Variants in TOP3B observed in about 807,000 individuals in gnomAD.
TOP3B encodes the protein DNA topoisomerase III beta.
A neutral mutation model predicts 93.9 loss-of-function variants in TOP3B; 45 were observed. The ratio of observed to expected loss-of-function variants is 0.48; its 90% CI spans 0.38 to 0.61. The LOEUF is 0.61. Ranked by LOEUF, TOP3B falls within the 20% of genes least tolerant of loss-of-function variation. The pLI, the probability that TOP3B is intolerant of heterozygous loss-of-function variation, is 0.00. For synonymous variants in TOP3B, 357 were observed against 472.6 expected (o/e 0.76, Z 3.17); for missense variants, 750 against 1,156.1 (o/e 0.65, Z 5.09).
Position 21,968,491 on chromosome 22 carries a change from C to T in TOP3B, c.738+128G>A, listed in dbSNP as rs569651672. 24 of 1,257,964 alleles carry T rather than the reference C, an allele frequency of 1.9e-5. No individual in the cohort carries two copies. In the South Asian group the frequency reaches 2.7e-4, roughly 14 times the overall value. The allele number at this position is 1,257,964 out of a possible 1,614,324, so 77.9% of individuals were successfully genotyped here. ...CCTCAGCCCTAGGCACCACAGACCA[C>T]TTCCAGGTACAGCCGTCCACACTTC... On this transcript the variant is annotated intron_variant, in intron 7 of 17. Transcript: ENST00000357179.
At chr22:21,959,394 T>G (rs1470510978) in intron 15 of TOP3B, 162 bp from the exon 16 acceptor site, 1 of 1,483,992 alleles carries the variant, frequency 6.7e-7, no homozygotes, top group Non-Finnish European at 8.9e-7. Flanking sequence ...CAGAGGCACG[T>G]GTTCCTGGCC....
intron 13 of TOP3B, 74 bp downstream of exon 13, chr22:21,962,355 C>A: frequency 1.2e-6 from 2 of 1,605,514 alleles, no homozygotes; most frequent in Non-Finnish European, 1.7e-6. Context: ...GCTGGCGGGG[C>A]AGCTTTGTGA....
At chr22:21,958,343 T>C in intron 17 of TOP3B, 149 bp downstream of exon 17, 1 of 1,488,096 alleles carries the variant, frequency 6.7e-7, no homozygotes. Flanking sequence ...GTGCCCCAGC[T>C]ACATCCAGGG....
chr22:21,979,447 G>C (rs1254117860), intron 1 of TOP3B, among the ~76,000 whole-genome samples: 1 of 152,074 alleles, frequency 6.6e-6, no homozygotes, highest in Non-Finnish European at 1.5e-5. Context: ...AGGAGTCAGT[G>C]GTGGGCCCTG....
chr22:21,972,249 A>G (rs1294919689), intron 4 of TOP3B: 3 of 464,718 alleles, frequency 6.5e-6, no homozygotes, highest in Non-Finnish European at 1.1e-5. Context: ...TGATAACAGC[A>G]GTCGTCTTGG....
At chr22:21,974,688 A>G (rs984977797) in intron 2 of TOP3B, 200 bp from the exon 3 acceptor site, 1 of 522,968 alleles carries the variant, frequency 1.9e-6, no homozygotes, top group African/African-American at 1.9e-5. Flanking sequence ...ATCTGCCAAC[A>G]ACCTAGCACA....
rs200546722 is a variant in TOP3B, at chr22:21,970,166, G to T, written c.581+44C>A. 2.0e-6 allele frequency: 3 copies of T among 1,473,192 alleles called. No individual in the cohort carries two copies. The highest frequency in any genetic ancestry group is 1.4e-5 in the African/African-American group (1 of 69,358). 91.3% of individuals were successfully genotyped at this position (1,473,192 alleles called of 1,614,324 possible). A position where few individuals can be genotyped will look rare whatever the true frequency, so the allele number is the denominator to read the frequency against. Reference sequence around the variant, plus strand: ...CAGTAGAGGCAGGTCTCTGGCTGAGGGAGAGTGAGGGTGTGCCCAGGACTC... The same window carrying T: ...CAGTAGAGGCAGGTCTCTGGCTGAGTGAGAGTGAGGGTGTGCCCAGGACTC... On this transcript the variant is annotated intron_variant, in intron 6 of 17. Transcript: ENST00000357179. The surrounding 1 kb of genome is among the most constrained non-coding windows in gnomAD (Gnocchi z 4.4).
chr22:21,962,046 A>G, intron 13 of TOP3B: 1 of 1,069,234 alleles, frequency 9.4e-7, no homozygotes, highest in Non-Finnish European at 1.2e-6. Context: ...GTGAGATCTC[A>G]TTTCCCTGTC....
rs1333817489 is a variant in TOP3B, at chr22:21,967,711, G to A, written c.744C>T (p.Asn248=). The stretch of plus-strand genomic sequence containing the variant: ...AAAGGAGAGATCTGTCTTTGTCAGT[G>A]TTAACCTGCAGGAAAAAGGATAAAG... ...ETYWVLQAKV[N]TDKDRSLLLD... The change falls in exon 8 of 18, where the codon AAC becomes AAT. Residue 248 remains asparagine (N), a synonymous_variant. Transcript: ENST00000357179. 1.9e-6 allele frequency: 3 copies of A among 1,613,032 alleles called. No individual in the cohort carries two copies. Among genetic ancestry groups the A allele is most frequent in the Non-Finnish European group, 2.5e-6 (3 of 1,179,212 alleles).
At chr22:21,965,252 T>C in intron 9 of TOP3B, 33 bp downstream of exon 9, 4 of 1,529,640 alleles carry the variant, frequency 2.6e-6, no homozygotes, top group Non-Finnish European at 3.5e-6. Flanking sequence ...TCAGGAAGCC[T>C]TCTGGTGACT....
Position 21,967,596 on chromosome 22 carries a change from G to C in TOP3B, c.852+7C>G. 1.2e-6 allele frequency: 2 copies of C among 1,613,014 alleles called. No individual in the cohort carries two copies. Among genetic ancestry groups the C allele is most frequent in the Non-Finnish European group, 1.7e-6 (2 of 1,178,988 alleles). ...AACTGTGATAGATGTGGGTGGAGCA[G>C]GCACACCTGGGCTTCCTTCTCCAGC... On this transcript the variant is annotated splice_region_variant and intron_variant, in intron 8 of 17. Coordinates refer to ENST00000357179, the MANE Select transcript of TOP3B (RefSeq NM_001282112.2).
intron 9 of TOP3B, chr22:21,964,742 A>G (rs1458426188): frequency 1.4e-5 from 3 of 210,618 alleles, no homozygotes; most frequent in Non-Finnish European, 2.9e-5. Context: ...TTCTGTCCTC[A>G]CAGCACTTTG....
intron 8 of TOP3B, chr22:21,966,862 C>T (rs959655455): frequency 6.6e-6 from 1 of 152,504 alleles, no homozygotes; most frequent in Non-Finnish European, 1.5e-5. Context: ...AGTGTCTCTG[C>T]AGGAATGTGA....
intron 1 of TOP3B, among the ~76,000 whole-genome samples, chr22:21,979,025 C>T (rs553946706): frequency 1.3e-5 from 2 of 152,156 alleles, no homozygotes; most frequent in East Asian, 1.9e-4. Context: ...GGCTGCACTT[C>T]TCTTGGTGGA....
chr22:21,975,884 CAA>C (rs1490280114), intron 1 of TOP3B, 77 bp from the exon 2 acceptor site: 195 of 1,063,568 alleles, frequency 1.8e-4, no homozygotes, highest in Non-Finnish European at 2.2e-4. Flanking sequence ...ATCACTTTAA[CAA>C]AGAAAAAACA....
intron 1 of TOP3B, chr22:21,982,296 G>A (rs1293110373): frequency 6.6e-6 from 1 of 152,200 alleles, no homozygotes; most frequent in Non-Finnish European, 1.5e-5. Context: ...AGAGAACCTG[G>A]GTGCCCTCAA....
intron 2 of TOP3B, chr22:21,974,943 GCAC>G (rs1330482751): frequency 6.5e-6 from 1 of 155,032 alleles, no homozygotes; most frequent in African/African-American, 2.4e-5. Context: ...TGGGCACCGG[GCAC>G]CACTTTTGGG....
chr22:21,977,213 T>C (rs544000167), intron 1 of TOP3B: 2 of 151,872 alleles, frequency 1.3e-5, no homozygotes, highest in East Asian at 3.9e-4. Flanking sequence ...AAAAGCAAAA[T>C]AAAATAATCT....
chr22:21,958,785 C>CACAGG, intron 16 of TOP3B, 92 bp from the exon 17 acceptor site: 3 of 1,457,266 alleles, frequency 2.1e-6, no homozygotes, highest in South Asian at 2.8e-5. Flanking sequence ...AGTATGTAAT[C>CACAGG]TGTCATGCAG....
Sources: gnomAD v4.1 joint callset for allele counts (sites outside exome capture counted in the v4.1 genomes callset) on GRCh38, gnomAD v4.1.1 for gene constraint, Gnocchi (gnomAD v3.1) non-coding constraint, MANE v1.5 for transcripts, NCBI Gene and HGNC (gene_info 2026-07-23, HGNC 2026-07-21) for gene names.